Variants in CDC14B observed in about 807,000 individuals in gnomAD.
CDC14B encodes cell division cycle 14B.
Under a neutral mutation model 64.2 loss-of-function variants are expected in CDC14B, and 22 were observed. The observed-to-expected ratio is 0.34, with a 90% CI of 0.24 to 0.49. The LOEUF (loss-of-function observed/expected upper bound fraction) is 0.49, where lower values mean the gene tolerates loss of function less well. Among genes scored for constraint, CDC14B ranks in the 20% least tolerant of loss-of-function variants. CDC14B has a pLI of 0.99. For missense variants in CDC14B, 498 were observed against 629.9 expected, an observed-to-expected ratio of 0.79 and a Z score of 2.24; for synonymous variants, 191 against 215.8, an observed-to-expected ratio of 0.89 and a Z score of 1.01.
chr9:96,593,468 C>T (rs1384270569), intron 1 of CDC14B, among the ~76,000 whole-genome samples: 1 of 131,980 alleles, frequency 7.6e-6, no homozygotes, highest in East Asian at 2.2e-4. Flanking sequence ...GAACGGGCGA[C>T]AGAGCAAGAC....
chr9:96,585,361 GC>G lies in CDC14B; in HGVS notation c.161-19879del, dbSNP rs1386459067. 2.7e-5 allele frequency among the ~76,000 whole-genome samples: 4 copies of G among 148,314 alleles called. No homozygotes were observed. In the Admixed American group the frequency reaches 2.7e-4, roughly 10 times the overall value. On this transcript the variant is annotated intron_variant, in intron 1 of 13. Transcript: ENST00000375241. ...TTGTCCTAATGCTTTCCCTCCCCTT[GC>G]CCCCAACCCCCAGACAGGCCCCAGT...
intron 4 of CDC14B, among the ~76,000 whole-genome samples, chr9:96,561,518 G>C (rs1489024274): frequency 6.6e-6 from 1 of 151,760 alleles, no homozygotes; most frequent in East Asian, 2.0e-4. Context: ...TCGCTCTGTC[G>C]CCCAGGCTGG....
intron 1 of CDC14B, among the ~76,000 whole-genome samples, chr9:96,592,928 T>C (rs1406432112): frequency 6.6e-6 from 1 of 152,180 alleles, no homozygotes; most frequent in Non-Finnish European, 1.5e-5. Context: ...TCATCTACAA[T>C]GTAAATGTAG....
At chr9:96,599,936 T>C (rs1416976283) in intron 1 of CDC14B, among the ~76,000 whole-genome samples, 3 of 152,128 alleles carry the variant, frequency 2.0e-5, no homozygotes, top group Non-Finnish European at 4.4e-5. Flanking sequence ...TTCACCACGT[T>C]GGCCAGGATG....
chr9:96,496,291 TC>T (rs1380917920), downstream of CDC14B: 3 of 513,272 alleles, frequency 5.8e-6, no homozygotes, highest in Non-Finnish European at 1.2e-5. Flanking sequence ...GCAGGTCTAG[TC>T]CTTGTGGATC....
chr9:96,548,899 T>C (rs899822726), intron 5 of CDC14B, among the ~76,000 whole-genome samples: 2 of 152,170 alleles, frequency 1.3e-5, no homozygotes, highest in Non-Finnish European at 2.9e-5. Context: ...TTATTTGCTA[T>C]AAATGAATGC....
chr9:96,569,289 T>C (rs1844335704), intron 1 of CDC14B, among the ~76,000 whole-genome samples: 1 of 152,188 alleles, frequency 6.6e-6, no homozygotes, highest in African/African-American at 2.4e-5. Flanking sequence ...GAAAATATCC[T>C]TCGTATGCAT....
rs1396602122 is a variant in CDC14B, at chr9:96,523,566, C to T, written c.1085+21G>A. ...AACCCCACATGTTCCCTGGGAACTA[C>T]AGACGTAGGCTACTACTTACATCAC... On this transcript the variant is annotated intron_variant, in intron 10 of 13. Coordinates refer to ENST00000375241, the MANE Select transcript of CDC14B (RefSeq NM_033331.4). 7 of 1,613,942 alleles carry T rather than the reference C, an allele frequency of 4.3e-6. No homozygotes were observed. The South Asian group carries it at 6.6e-5, about 15-fold the overall frequency.
intron 12 of CDC14B, among the ~76,000 whole-genome samples, chr9:96,521,532 TAAG>T (rs1360139260): frequency 6.6e-6 from 1 of 152,256 alleles, no homozygotes; most frequent in Non-Finnish European, 1.5e-5. Context: ...TTGGGTCTTT[TAAG>T]AAGAACCTCC....
intron 1 of CDC14B, among the ~76,000 whole-genome samples, chr9:96,594,880 C>T (rs936147983): frequency 1.3e-5 from 2 of 152,130 alleles, no homozygotes; most frequent in African/African-American, 4.8e-5. Context: ...TGGCTGGGCG[C>T]GGTGGCTCAC....
At chr9:96,511,730 A>C (rs1418572911) in intron 12 of CDC14B, among the ~76,000 whole-genome samples, 3 of 152,222 alleles carry the variant, frequency 2.0e-5, no homozygotes, top group Admixed American at 6.5e-5. Flanking sequence ...ATCCTGGATA[A>C]ATCAGCCAAT....
intron 1 of CDC14B, among the ~76,000 whole-genome samples, chr9:96,588,400 A>C (rs1028420125): frequency 6.6e-6 from 1 of 152,228 alleles, no homozygotes; most frequent in Admixed American, 6.5e-5. Context: ...TTTGATGTTG[A>C]GGGCAAAAAG....
intron 1 of CDC14B, among the ~76,000 whole-genome samples, chr9:96,612,328 C>A (rs1847373186): frequency 6.6e-6 from 1 of 152,230 alleles, no homozygotes; most frequent in Non-Finnish European, 1.5e-5. Context: ...CCCTTCCAGC[C>A]GTGATGACTG....
chr9:96,515,625 A>G lies in CDC14B; in HGVS notation c.1344-5836T>C. 1 of 1,547,722 alleles carries G rather than the reference A, an allele frequency of 6.5e-7. No individual in the cohort carries two copies. Among genetic ancestry groups the G allele is most frequent in the East Asian group, 2.4e-5 (1 of 41,246 alleles). The stretch of plus-strand genomic sequence containing the variant: ...CTAGGCACCAGAAGTAAGCAACGGC[A>G]GAGAAACAGAACGGGACACTTACAG... On this transcript the variant is annotated intron_variant, in intron 12 of 13. Transcript: ENST00000375241. The surrounding 1 kb of genome is among the most constrained non-coding windows in gnomAD (Gnocchi z 4.3).
chr9:96,594,800 G>C (rs1048928177), intron 1 of CDC14B, among the ~76,000 whole-genome samples: 5 of 150,354 alleles, frequency 3.3e-5, no homozygotes, highest in Admixed American at 6.7e-5. Context: ...ATGAGTGCTT[G>C]TTCTCAGCAC....
In CDC14B at chr9:96,503,782, T is replaced by G. The variant is rs1387938542; in HGVS notation, c.1468A>C (p.Ile490Leu). 1 of 1,613,542 alleles carries G rather than the reference T, an allele frequency of 6.2e-7. No individual in the cohort carries two copies. Among genetic ancestry groups the G allele is most frequent in the Admixed American group, 1.7e-5 (1 of 59,956 alleles). ...SRKSSVKSLS[I>L]SRTKTVLR is the part of the protein sequence containing the mutation. ...CGCAAGACTGTTTTAGTCCTTGAAA[T>G]GGAGAGACTACAGGGGGAAAAAAAA... is the stretch of plus-strand genomic sequence containing the variant. The change falls in exon 14 of 14, where the codon ATT (isoleucine) becomes CTT (leucine). Residue 490 changes from isoleucine to leucine, a missense_variant. Transcript: ENST00000375241.
chr9:96,566,730 C>T (rs780322288), intron 1 of CDC14B: 7 of 1,581,258 alleles, frequency 4.4e-6, no homozygotes, highest in Non-Finnish European at 6.0e-6. Flanking sequence ...GCGCGGGTGC[C>T]GGAGCCCCCA....
intron 1 of CDC14B, among the ~76,000 whole-genome samples, chr9:96,579,302 T>C (rs1844996126): frequency 6.6e-6 from 1 of 151,648 alleles, no homozygotes; most frequent in Non-Finnish European, 1.5e-5. Flanking sequence ...AGATGAGAGA[T>C]ACAGGCCAGG....
intron 12 of CDC14B, among the ~76,000 whole-genome samples, chr9:96,519,887 G>A (rs1587792438): frequency 6.6e-6 from 1 of 152,170 alleles, no homozygotes; most frequent in South Asian, 2.1e-4. Flanking sequence ...CAATGCTAAA[G>A]CAAAATAACT....
Sources: allele counts gnomAD v4.1 joint callset (sites outside exome capture counted in the v4.1 genomes callset), GRCh38; gene constraint gnomAD v4.1.1; non-coding constraint Gnocchi (gnomAD v3.1); transcripts MANE v1.5; gene names NCBI Gene and HGNC (gene_info 2026-07-23, HGNC 2026-07-21).